PTPRM: variants seen among roughly 807,000 people sequenced by gnomAD.
The protein encoded by PTPRM is receptor-type tyrosine-protein phosphatase mu.
PTPRM carries 47 observed loss-of-function variants against 186.7 expected under a neutral mutation model. The ratio of observed to expected loss-of-function variants is 0.25; its 90% CI spans 0.20 to 0.32. PTPRM has a LOEUF of 0.32. Among genes scored for constraint, PTPRM ranks in the 10% least tolerant of loss-of-function variants. The pLI, the probability that PTPRM is intolerant of heterozygous loss-of-function variation, is 1.00. For missense variants in PTPRM, 1,494 were observed against 1,865.0 expected (o/e 0.80, Z 3.66); for synonymous variants, 668 against 674.9 (o/e 0.99, Z 0.16).
chr18:8,135,480 C>T (rs1340169527), intron 13 of PTPRM, among the ~76,000 whole-genome samples: 7 of 151,788 alleles, frequency 4.6e-5, no homozygotes, highest in African/African-American at 7.3e-5. Context: ...CTACCTCAGA[C>T]CTTTGATCCA....
intron 7 of PTPRM, among the ~76,000 whole-genome samples, chr18:8,041,297 G>A (rs573618724): frequency 6.6e-6 from 1 of 152,036 alleles, no homozygotes; most frequent in Non-Finnish European, 1.5e-5. Flanking sequence ...GCTCAGGTGT[G>A]GATCATGGAT....
At chr18:7,865,424 C>T (rs543141848) in intron 2 of PTPRM, among the ~76,000 whole-genome samples, 1 of 152,296 alleles carries the variant, frequency 6.6e-6, no homozygotes, top group East Asian at 1.9e-4. Flanking sequence ...AAGGCCTTTA[C>T]TGCATCTATT....
chr18:7,609,068 G>A (rs975277638), intron 1 of PTPRM, among the ~76,000 whole-genome samples: 34 of 152,168 alleles, frequency 2.2e-4, no homozygotes, highest in Non-Finnish European at 3.7e-4. Context: ...GGGTATGTTT[G>A]TGCTATTATT....
At chr18:8,232,914 G>A (rs187743747) in intron 14 of PTPRM, among the ~76,000 whole-genome samples, 5 of 152,160 alleles carry the variant, frequency 3.3e-5, no homozygotes, top group African/African-American at 7.2e-5. Flanking sequence ...AGCAAGGAGG[G>A]GGGTGGTGGT....
chr18:7,964,215 G>T (rs2053868389), intron 7 of PTPRM, among the ~76,000 whole-genome samples: 3 of 152,288 alleles, frequency 2.0e-5, no homozygotes, highest in South Asian at 4.1e-4. Context: ...TGTTTTAAAA[G>T]GACTTGGAGC....
chr18:7,899,970 T>C (rs144582563), intron 3 of PTPRM, among the ~76,000 whole-genome samples: 157 of 152,284 alleles, frequency 1.0e-3, no homozygotes, highest in African/African-American at 3.7e-3. Context: ...GGACAGGGTC[T>C]TCTTCTCATT....
intron 9 of PTPRM, among the ~76,000 whole-genome samples, chr18:8,079,922 C>T (rs902474238): frequency 1.3e-5 from 2 of 151,504 alleles, no homozygotes; most frequent in South Asian, 2.1e-4. Flanking sequence ...AGACCTGCTA[C>T]GTAGTAATAA....
At chr18:8,099,580 G>A (rs532642366) in intron 11 of PTPRM, among the ~76,000 whole-genome samples, 468 of 152,230 alleles carry the variant, frequency 3.1e-3, no homozygotes, top group Non-Finnish European at 5.2e-3. Flanking sequence ...CTTCCGGATG[G>A]AAAATTAACA....
At chr18:7,652,403 G>A (rs1202158969) in intron 1 of PTPRM, among the ~76,000 whole-genome samples, 1 of 152,064 alleles carries the variant, frequency 6.6e-6, no homozygotes, top group African/African-American at 2.4e-5. Context: ...CCATTACTGG[G>A]TATATACCCA....
intron 1 of PTPRM, among the ~76,000 whole-genome samples, chr18:7,585,322 G>T (rs1434916791): frequency 1.3e-5 from 2 of 152,196 alleles, no homozygotes; most frequent in Non-Finnish European, 2.9e-5. Flanking sequence ...GAAGGCTGTG[G>T]TTATCTTAGA....
At chr18:8,319,981 T>C (rs1241909133) in intron 22 of PTPRM, among the ~76,000 whole-genome samples, 1 of 152,010 alleles carries the variant, frequency 6.6e-6, no homozygotes, top group African/African-American at 2.4e-5. Context: ...GTGGGGGTCA[T>C]GAGGGAGCGA....
At chr18:7,678,520 C>T (rs766736141) in intron 1 of PTPRM, among the ~76,000 whole-genome samples, 14 of 152,092 alleles carry the variant, frequency 9.2e-5, no homozygotes, top group Non-Finnish European at 1.8e-4. Flanking sequence ...AACGGGAGGC[C>T]GGCCTTCAGA....
chr18:8,094,205 AC>A (rs1208266270), intron 11 of PTPRM, among the ~76,000 whole-genome samples: 3 of 152,128 alleles, frequency 2.0e-5, no homozygotes, highest in Non-Finnish European at 4.4e-5. Flanking sequence ...TGCAAAGTTT[AC>A]CTTAAGATAT....
At chr18:7,848,610 T>TAA (rs764027110) in intron 2 of PTPRM, among the ~76,000 whole-genome samples, 2 of 144,474 alleles carry the variant, frequency 1.4e-5, no homozygotes, top group South Asian at 2.2e-4. Flanking sequence ...TGTCTCTACT[T>TAA]AAAAAAAAAA....
intron 14 of PTPRM, among the ~76,000 whole-genome samples, chr18:8,188,553 A>G (rs1262252694): frequency 6.6e-6 from 1 of 152,180 alleles, no homozygotes; most frequent in African/African-American, 2.4e-5. Flanking sequence ...GCTCAGACCT[A>G]TTGCCTGTGC....
At chr18:8,223,249 A>G (rs566113073) in intron 14 of PTPRM, among the ~76,000 whole-genome samples, 24 of 152,284 alleles carry the variant, frequency 1.6e-4, no homozygotes, top group Admixed American at 1.4e-3. Flanking sequence ...AGTAATAAAT[A>G]AAAACTGGTT....
intron 22 of PTPRM, among the ~76,000 whole-genome samples, chr18:8,332,842 C>G (rs563096992): frequency 7.2e-5 from 11 of 152,338 alleles, no homozygotes; most frequent in African/African-American, 2.6e-4. Flanking sequence ...TAAGTCATCA[C>G]TTTCAACACT....
chr18:8,017,508 G>C (rs1194520796), intron 7 of PTPRM, among the ~76,000 whole-genome samples: 2 of 149,366 alleles, frequency 1.3e-5, no homozygotes, highest in African/African-American at 5.0e-5. Flanking sequence ...GCTTGGACCC[G>C]GGAGGCAGAG....
chr18:8,392,790 C>G (rs1458638643), intron 31 of PTPRM, among the ~76,000 whole-genome samples: 1 of 152,138 alleles, frequency 6.6e-6, no homozygotes, highest in Admixed American at 6.5e-5. Context: ...CCTGACGGAG[C>G]TCCCACTGGC....
Sources: allele counts gnomAD v4.1 joint callset (sites outside exome capture counted in the v4.1 genomes callset), GRCh38; gene constraint gnomAD v4.1.1; transcripts MANE v1.5; gene names NCBI Gene and HGNC (gene_info 2026-07-23, HGNC 2026-07-21).